The following RGS12 variants were observed in gnomAD, a reference collection of about 807,000 sequenced individuals.
RGS12 encodes regulator of G protein signaling 12.
Under a neutral mutation model 120.1 loss-of-function variants are expected in RGS12, and 66 were observed. The observed-to-expected ratio is 0.55, with a 90% CI of 0.45 to 0.67. The LOEUF (loss-of-function observed/expected upper bound fraction) is 0.67, where lower values mean the gene tolerates loss of function less well. Ranked by LOEUF, RGS12 falls within the 30% of genes least tolerant of loss-of-function variation. The pLI is 0.00. For synonymous variants in RGS12, 827 were observed against 804.7 expected (o/e 1.03, Z -0.47); for missense variants, 1,859 against 1,957.7 (o/e 0.95, Z 0.95).
Position 3,366,963 on chromosome 4 carries a change from C to G in RGS12, c.1999-19453C>G. ...TCCTCACCTCTGCCCGGCTCAGCTC[C>G]TCCCCGCCCAGAATGCCCTCTGCCC... On this transcript the variant is annotated intron_variant, in intron 3 of 17. Coordinates refer to ENST00000336727, the MANE Select transcript of RGS12 (RefSeq NM_001394154.1). This position sits in a 1 kb window ranked among gnomAD's most constrained non-coding sequence, Gnocchi z 4.0. Among the ~76,000 whole-genome samples the G allele has an allele frequency of 6.6e-6, 1 of 152,240 alleles. No individual in the cohort carries two copies.
At chr4:3,367,568 C>T (rs1716447433) in intron 3 of RGS12, among the ~76,000 whole-genome samples, 1 of 152,268 alleles carries the variant, frequency 6.6e-6, no homozygotes, top group Non-Finnish European at 1.5e-5. Flanking sequence ...GGCCCAGAAT[C>T]TTCTGGGGAT....
intron 1 of RGS12, 112 bp downstream of exon 1, chr4:3,293,211 G>C (rs1019620067): frequency 6.8e-6 from 1 of 146,270 alleles, no homozygotes; most frequent in Non-Finnish European, 1.5e-5. Context: ...ATCCCGGCCA[G>C]CCCTGCGCGG....
chr4:3,413,871 C>T (rs1722034215), intron 4 of RGS12: 1 of 562,550 alleles, frequency 1.8e-6, no homozygotes, highest in African/African-American at 1.9e-5. Context: ...AGGTTGGGGT[C>T]TGTGTTTTGT....
intron 2 of RGS12, among the ~76,000 whole-genome samples, chr4:3,330,661 C>A (rs954064655): frequency 6.6e-6 from 1 of 152,168 alleles, no homozygotes; most frequent in African/African-American, 2.4e-5. Flanking sequence ...GATCCATACA[C>A]TCATTTTAAA....
At chr4:3,323,132 C>T (rs192179569) in intron 2 of RGS12, among the ~76,000 whole-genome samples, 295 of 152,332 alleles carry the variant, frequency 1.9e-3, no homozygotes, top group African/African-American at 5.1e-3. Flanking sequence ...GCGTGCCCCT[C>T]GGTGGGAGGA....
intron 2 of RGS12, among the ~76,000 whole-genome samples, chr4:3,334,001 T>C (rs1327992700): frequency 1.3e-5 from 2 of 152,246 alleles, no homozygotes; most frequent in Non-Finnish European, 2.9e-5. Context: ...AAATTTATTC[T>C]CTAGCTAGAT....
At chr4:3,401,673 C>T (rs368085180) in intron 4 of RGS12, among the ~76,000 whole-genome samples, 6 of 152,360 alleles carry the variant, frequency 3.9e-5, no homozygotes, top group African/African-American at 7.2e-5. Flanking sequence ...TCTGGAACCA[C>T]GCCGTGAACC....
chr4:3,292,961 C>A (rs912678581), upstream of RGS12: 1 of 139,490 alleles, frequency 7.2e-6, no homozygotes, highest in Non-Finnish European at 1.7e-5. Context: ...CCCCGCCCCT[C>A]TCCGTCCCCG....
rs768427451 is a variant in RGS12, at chr4:3,317,477, A to T, written c.1307A>T (p.Asn436Ile). Residue 436 changes from asparagine (N) to isoleucine (I), a missense_variant, in exon 2 of 18, where the codon AAC becomes ATC. Asn to Ile is a moderately radical substitution (Grantham distance 149, BLOSUM62 -3). Around this residue, in one of 3 missense-constraint regions of RGS12, gnomAD observed 967 missense variants for 994.2 expected, o/e 0.97. Coordinates refer to ENST00000336727, the MANE Select transcript of RGS12 (RefSeq NM_001394154.1). ...IGNFHQEEKS[N>I]RVLVVDLGGS... ...AACTTCCACCAGGAGGAGAAGAGCA[A>T]CCGGGTCCTTGTGGTGGACCTGGGT... is the stretch of plus-strand genomic sequence containing the variant. 2 of 1,613,834 alleles carry T rather than the reference A, an allele frequency of 1.2e-6. No individual in the cohort carries two copies. Among genetic ancestry groups the T allele is most frequent in the Non-Finnish European group, 1.7e-6 (2 of 1,180,010 alleles).
intron 2 of RGS12, among the ~76,000 whole-genome samples, chr4:3,318,997 A>G (rs1725002025): frequency 6.6e-6 from 1 of 152,206 alleles, no homozygotes. Context: ...AGACCATCCT[A>G]AGAAGACCCT....
In RGS12 at chr4:3,414,191, G is replaced by A. The variant is rs535419339; in HGVS notation, c.2140G>A (p.Val714Met). The change falls in exon 5 of 18, where the codon GTG becomes ATG. Residue 714 changes from valine to methionine, a missense_variant. Coordinates refer to ENST00000336727, the MANE Select transcript of RGS12 (RefSeq NM_001394154.1). ...TGAGAGGAGGGTCGCCAGCTGGGCCGTGTCCTTTGAGCGCCTGCTGCAGGA... is the reference window on the plus strand; with the variant it reads ...TGAGAGGAGGGTCGCCAGCTGGGCCATGTCCTTTGAGCGCCTGCTGCAGGA... ...LRERRVASWAVSFERLLQDPV... is the reference protein window; with the variant it reads ...LRERRVASWAMSFERLLQDPV... The A allele has an allele frequency of 6.4e-6, 10 of 1,550,948 alleles. No homozygotes were observed. In the Middle Eastern group the frequency reaches 5.1e-4, roughly 79 times the overall value.
At chr4:3,378,643 A>G (rs1717937866) in intron 3 of RGS12, 1 of 152,366 alleles carries the variant, frequency 6.6e-6, no homozygotes, top group Admixed American at 6.5e-5. Context: ...ACAGATGGCC[A>G]ACAGGTATAT....
chr4:3,360,059 G>A (rs1352558283), intron 3 of RGS12, among the ~76,000 whole-genome samples: 1 of 152,134 alleles, frequency 6.6e-6, no homozygotes, highest in Non-Finnish European at 1.5e-5. Context: ...TGCGCCTGGC[G>A]AGATTTTCTG....
intron 2 of RGS12, among the ~76,000 whole-genome samples, chr4:3,338,478 C>G (rs746907499): frequency 2.2e-4 from 33 of 152,242 alleles, no homozygotes; most frequent in African/African-American, 8.0e-4. Context: ...CGATGCTTTT[C>G]TGGGCCTGTG....
intron 1 of RGS12, among the ~76,000 whole-genome samples, chr4:3,296,656 C>T (rs1189155536): frequency 6.6e-6 from 1 of 152,246 alleles, no homozygotes; most frequent in Non-Finnish European, 1.5e-5. Context: ...AGGCTCCTCA[C>T]TTGTCTTCGA....
chr4:3,412,397 G>A (rs959202886), intron 4 of RGS12, among the ~76,000 whole-genome samples: 1 of 152,326 alleles, frequency 6.6e-6, no homozygotes, highest in East Asian at 1.9e-4. Context: ...GTTTAGTGTC[G>A]CTTCTGCCCC....
rs1033144882 is a variant in RGS12, at chr4:3,390,850, G to A, written c.2020+4413G>A. On this transcript the variant is annotated intron_variant, in intron 4 of 17. Coordinates refer to ENST00000336727, the MANE Select transcript of RGS12 (RefSeq NM_001394154.1). The surrounding 1 kb of genome is among the most constrained non-coding windows in gnomAD (Gnocchi z 4.6). ...ACCGTAATTGCCGGATTAACTTGGGGGACTTTAAACTGCATTCCTCTTTAA... is the reference window on the plus strand; with the variant it reads ...ACCGTAATTGCCGGATTAACTTGGGAGACTTTAAACTGCATTCCTCTTTAA... Among the ~76,000 whole-genome samples the A allele has an allele frequency of 3.9e-5, 6 of 152,180 alleles. No individual in the cohort carries two copies. The highest frequency in any genetic ancestry group is 1.9e-4 in the East Asian group (1 of 5,196).
At chr4:3,414,586 C>T (rs1338161083) in intron 5 of RGS12, 166 bp from the exon 6 acceptor site, 2 of 624,944 alleles carry the variant, frequency 3.2e-6, no homozygotes, top group Non-Finnish European at 5.7e-6. Flanking sequence ...CAGCTGGAAG[C>T]AGCAGTGCGG....
chr4:3,368,202 C>T (rs534827635), intron 3 of RGS12, among the ~76,000 whole-genome samples: 3 of 152,324 alleles, frequency 2.0e-5, no homozygotes, highest in Admixed American at 2.0e-4. Flanking sequence ...TGTAAACTGT[C>T]AGTAGTGCAG....
Sources: allele counts gnomAD v4.1 joint callset (sites outside exome capture counted in the v4.1 genomes callset), GRCh38; gene constraint gnomAD v4.1.1; regional missense constraint gnomAD v4.1.1; non-coding constraint Gnocchi (gnomAD v3.1); transcripts MANE v1.5; gene names NCBI Gene and HGNC (gene_info 2026-07-23, HGNC 2026-07-21).